The following DOK6 variants were observed in gnomAD, a reference collection of about 807,000 sequenced individuals.
The protein encoded by DOK6 is docking protein 6, also known as downstream of tyrosine kinase 6.
A neutral mutation model predicts 44.0 loss-of-function variants in DOK6; 22 were observed. The ratio of observed to expected loss-of-function variants is 0.50; its 90% confidence interval spans 0.36 to 0.71. The LOEUF is 0.71. Among genes scored for constraint, DOK6 ranks in the 30% least tolerant of loss-of-function variants. The probability of loss-of-function intolerance (pLI) is 0.00; values close to 1 mark genes in which losing one functional copy is unlikely to be tolerated. For synonymous variants in DOK6, 166 were observed against 145.5 expected (o/e 1.14, Z -1.01); for missense variants, 340 against 416.4 (o/e 0.82, Z 1.60).
intron 1 of DOK6, among the ~76,000 whole-genome samples, chr18:69,436,054 T>A (rs2122433325): frequency 6.6e-6 from 1 of 152,314 alleles, no homozygotes; most frequent in East Asian, 1.9e-4. Context: ...TAATTACAGT[T>A]CTTACACCTT....
intron 7 of DOK6, among the ~76,000 whole-genome samples, chr18:69,827,320 C>T (rs1403244580): frequency 6.6e-6 from 1 of 152,026 alleles, no homozygotes; most frequent in Non-Finnish European, 1.5e-5. Context: ...AATGATGAAA[C>T]ATAAAAAGTT....
Position 69,481,087 on chromosome 18 carries a change from A to T in DOK6, c.66+79777A>T, listed in dbSNP as rs1980405236. Among the ~76,000 whole-genome samples, 9 of 152,228 alleles carry T rather than the reference A, an allele frequency of 5.9e-5. No individual in the cohort carries two copies. The South Asian group carries it at 1.9e-3, about 32-fold the overall frequency. On this transcript the variant is annotated intron_variant, in intron 1 of 7. Transcript: ENST00000382713. ...TGGGAGACCCAGCCAAAACCAGCAC[A>T]CACCTTCTGCCGTCAGGCACTTGGA... is the stretch of plus-strand genomic sequence containing the variant.
chr18:69,618,050 G>T (rs1030724899), intron 3 of DOK6, among the ~76,000 whole-genome samples: 1 of 152,162 alleles, frequency 6.6e-6, no homozygotes, highest in Non-Finnish European at 1.5e-5. Context: ...AGAGAGCCAC[G>T]TGGAGATGCA....
chr18:69,620,094 T>C (rs1984404965), intron 3 of DOK6, among the ~76,000 whole-genome samples: 1 of 152,152 alleles, frequency 6.6e-6, no homozygotes, highest in Non-Finnish European at 1.5e-5. Context: ...AATATAAATA[T>C]GTGACGTATG....
intron 1 of DOK6, among the ~76,000 whole-genome samples, chr18:69,509,501 G>A (rs372154745): frequency 3.0e-3 from 460 of 152,034 alleles, no homozygotes; most frequent in African/African-American, 0.011. Context: ...AGCCGGGCGT[G>A]GTGGCGGGCG....
intron 7 of DOK6, among the ~76,000 whole-genome samples, chr18:69,819,700 T>A (rs1364177001): frequency 6.6e-6 from 1 of 152,178 alleles, no homozygotes; most frequent in Non-Finnish European, 1.5e-5. Context: ...TTGAAAAGCA[T>A]CATTTTACCC....
At chr18:69,569,889 A>G (rs1983073160) in intron 2 of DOK6, among the ~76,000 whole-genome samples, 1 of 152,134 alleles carries the variant, frequency 6.6e-6, no homozygotes, top group Non-Finnish European at 1.5e-5. Flanking sequence ...AAGATCATGT[A>G]TAACATGGAT....
At chr18:69,770,523 T>C (rs935042175) in intron 7 of DOK6, among the ~76,000 whole-genome samples, 1 of 152,094 alleles carries the variant, frequency 6.6e-6, no homozygotes, top group East Asian at 1.9e-4. Context: ...ACAACCCAGA[T>C]GGAAGCCATC....
At chr18:69,809,847 T>C (rs984399938) in intron 7 of DOK6, among the ~76,000 whole-genome samples, 1 of 151,828 alleles carries the variant, frequency 6.6e-6, no homozygotes, top group African/African-American at 2.4e-5. Flanking sequence ...CACAAATAAA[T>C]GAAAAGATAT....
At chr18:69,643,304 T>C (rs772209649) in intron 3 of DOK6, among the ~76,000 whole-genome samples, 1 of 152,222 alleles carries the variant, frequency 6.6e-6, no homozygotes, top group East Asian at 1.9e-4. Context: ...TTTGTGTGTG[T>C]GTATGTTCTA....
chr18:69,809,304 C>T (rs1286884204), intron 7 of DOK6, among the ~76,000 whole-genome samples: 1 of 151,678 alleles, frequency 6.6e-6, no homozygotes, highest in Non-Finnish European at 1.5e-5. Flanking sequence ...GAATATACCT[C>T]AACACAAGAA....
At chr18:69,621,688 A>G (rs1714347591) in intron 3 of DOK6, among the ~76,000 whole-genome samples, 1 of 152,202 alleles carries the variant, frequency 6.6e-6, no homozygotes, top group Non-Finnish European at 1.5e-5. Flanking sequence ...ACAGACACTC[A>G]ATGGAGTAAA....
intron 1 of DOK6, among the ~76,000 whole-genome samples, chr18:69,476,941 G>A (rs146058034): frequency 1.0e-3 from 155 of 152,222 alleles, no homozygotes; most frequent in African/African-American, 3.4e-3. Context: ...TAGATCCCAC[G>A]GTTATGTACA....
intron 3 of DOK6, among the ~76,000 whole-genome samples, chr18:69,656,507 T>C (rs1985371261): frequency 6.6e-6 from 1 of 152,168 alleles, no homozygotes; most frequent in African/African-American, 2.4e-5. Flanking sequence ...AGTGGAAATA[T>C]AAATAATAGT....
intron 1 of DOK6, among the ~76,000 whole-genome samples, chr18:69,563,732 C>G (rs1462484885): frequency 6.6e-6 from 1 of 151,590 alleles, no homozygotes; most frequent in African/African-American, 2.4e-5. Flanking sequence ...AGCACACCAA[C>G]ATGGCACATG....
intron 1 of DOK6, among the ~76,000 whole-genome samples, chr18:69,460,609 G>C (rs959659309): frequency 6.6e-6 from 1 of 152,106 alleles, no homozygotes; most frequent in African/African-American, 2.4e-5. Context: ...TACCCTTCAT[G>C]AACACTGAAG....
chr18:69,519,131 A>C (rs1240642135), intron 1 of DOK6, among the ~76,000 whole-genome samples: 2 of 152,058 alleles, frequency 1.3e-5, no homozygotes, highest in East Asian at 3.8e-4. Context: ...AATATTACTC[A>C]TTTTTTGGCT....
intron 1 of DOK6, among the ~76,000 whole-genome samples, chr18:69,492,157 T>C (rs1980752021): frequency 6.6e-6 from 1 of 152,204 alleles, no homozygotes; most frequent in Non-Finnish European, 1.5e-5. Context: ...AAGACTAATG[T>C]ACTGTATTGA....
chr18:69,612,398 TTTG>T (rs1413346707), intron 3 of DOK6, among the ~76,000 whole-genome samples: 1 of 41,032 alleles, frequency 2.4e-5, no homozygotes, highest in East Asian at 2.5e-3. Flanking sequence ...ACGAAGAGAC[TTTG>T]TGTGCGAGGG....
Sources: allele counts gnomAD v4.1 joint callset (sites outside exome capture counted in the v4.1 genomes callset), GRCh38; gene constraint gnomAD v4.1.1; transcripts MANE v1.5; gene names NCBI Gene and HGNC (gene_info 2026-07-23, HGNC 2026-07-21).